TMEM234: variants seen among roughly 807,000 people sequenced by gnomAD.
TMEM234 encodes chromosome 1 open reading frame 91.
Under a neutral mutation model 17.8 loss-of-function variants are expected in TMEM234, and 21 were observed. The observed-to-expected ratio is 1.18, with a 90% CI of 0.84 to 1.70. The LOEUF (loss-of-function observed/expected upper bound fraction) is 1.70. Among genes scored for constraint, TMEM234 ranks in the 40% most tolerant of loss-of-function variants. The pLI is 0.00. For synonymous variants in TMEM234, 83 were observed against 73.5 expected (o/e 1.13, Z -0.66); for missense variants, 137 against 166.9 (o/e 0.82, Z 0.99).
chr1:32,221,079 T>A, intron 3 of TMEM234, 52 bp downstream of exon 3: 3 of 1,471,382 alleles, frequency 2.0e-6, no homozygotes, highest in Non-Finnish European at 2.8e-6. Context: ...CCCCAATCAC[T>A]CTTCCAGGTG....
At chr1:32,215,874 T>A (rs1302439229), downstream of TMEM234, 28 of 1,551,240 alleles carry the variant, frequency 1.8e-5, no homozygotes, top group Non-Finnish European at 1.9e-5. Context: ...TATCTCAGCC[T>A]CAGCCCCAGC....
intron 3 of TMEM234, 26 bp downstream of exon 3, chr1:32,221,105 C>A: frequency 6.2e-7 from 1 of 1,606,802 alleles, no homozygotes; most frequent in Non-Finnish European, 8.5e-7. Context: ...AAACACTAAG[C>A]AGAACAGTTC....
At chr1:32,215,024 C>G (rs779410420), downstream of TMEM234, 1 of 1,439,146 alleles carries the variant, frequency 6.9e-7, no homozygotes, top group Non-Finnish European at 9.3e-7. Context: ...TCCATGGGAG[C>G]AGAATGCTCA....
chr1:32,214,727 C>A, downstream of TMEM234: 1 of 1,592,942 alleles, frequency 6.3e-7, no homozygotes, highest in Non-Finnish European at 8.6e-7. Flanking sequence ...CTCTCTGAAG[C>A]CTGAACTGGG....
downstream of TMEM234, chr1:32,215,794 T>C: frequency 6.5e-7 from 1 of 1,548,532 alleles, no homozygotes; most frequent in Non-Finnish European, 8.7e-7. Flanking sequence ...GCCTTCCACC[T>C]CCTGCAGAGG....
Position 32,216,948 on chromosome 1 carries a change from C to G in TMEM234, c.329-1G>C, listed in dbSNP as rs1396045030. ...GTGAGCACCATGCCAGCAACTGCTCCTGGGATAATAGGCAGAAATCAGGAG... is the reference window on the plus strand; with the variant it reads ...GTGAGCACCATGCCAGCAACTGCTCGTGGGATAATAGGCAGAAATCAGGAG... On this transcript the variant is annotated splice_acceptor_variant, in intron 4 of 4. Transcript: ENST00000309777. LOFTEE classifies it high-confidence loss of function. 2 of 1,614,064 alleles carry G rather than the reference C, an allele frequency of 1.2e-6. No homozygotes were observed. The highest frequency in any genetic ancestry group is 1.3e-5 in the African/African-American group (1 of 74,932).
Position 32,222,035 on chromosome 1 carries a change from G to A in TMEM234, c.17-17C>T. ...ACACCTGCCCTGAATGCAGACGAGT[G>A]AGTCACCCTGACCCCCACCCCAAAC... On this transcript the variant is annotated splice_polypyrimidine_tract_variant and intron_variant, in intron 1 of 4. Transcript: ENST00000309777. The A allele has an allele frequency of 1.9e-6, 3 of 1,600,830 alleles. No homozygotes were observed. In the South Asian group the frequency reaches 3.3e-5, roughly 18 times the overall value.
At chr1:32,222,217 G>A in intron 1 of TMEM234, 90 bp downstream of exon 1, 1 of 1,512,424 alleles carries the variant, frequency 6.6e-7, no homozygotes, top group Non-Finnish European at 8.9e-7. Flanking sequence ...GGTTGTAGCA[G>A]GGGTCGGGGT....
chr1:32,219,111 T>TAAAAAAA (rs1469698691), intron 3 of TMEM234, among the ~76,000 whole-genome samples: 1 of 91,252 alleles, frequency 1.1e-5, no homozygotes, highest in African/African-American at 4.8e-5. Context: ...AAATGCCGTC[T>TAAAAAAA]CAAAAAAAAA....
Position 32,217,318 on chromosome 1 carries a change from A to T in TMEM234, c.269T>A (p.Leu90Gln), listed in dbSNP as rs148948143. 1.2e-6 allele frequency: 2 copies of T among 1,612,994 alleles called. No individual in the cohort carries two copies. Among genetic ancestry groups the T allele is most frequent in the Non-Finnish European group, 1.7e-6 (2 of 1,179,058 alleles). Residue 90 changes from leucine (L) to glutamine (Q), a missense_variant, in exon 4 of 5, where the codon CTG (leucine) becomes CAG (glutamine). Leu to Gln is a moderately radical substitution (Grantham distance 113). Transcript: ENST00000309777. The stretch of plus-strand genomic sequence containing the variant: ...AACAATCAGTGTGAAGATGATAGCC[A>T]GAGAGTTACAGATGGGCACAGCCAG... ...LTLAVPICNSLAIIFTLIVGK... is the reference protein window; with the variant it reads ...LTLAVPICNSQAIIFTLIVGK...
chr1:32,217,380 G>C, intron 3 of TMEM234, 29 bp from the exon 4 acceptor site: 1 of 1,595,198 alleles, frequency 6.3e-7, no homozygotes, highest in Non-Finnish European at 8.6e-7. Context: ...AAGAATGCCT[G>C]AGATGCAACA....
At chr1:32,219,901 G>A (rs1638738194) in intron 3 of TMEM234, among the ~76,000 whole-genome samples, 1 of 152,152 alleles carries the variant, frequency 6.6e-6, no homozygotes, top group Non-Finnish European at 1.5e-5. Context: ...CTTTTGTTGG[G>A]TTGTCGTAAG....
At position 32,222,300 on chromosome 1, in the gene TMEM234, T is replaced by G; in HGVS notation, c.16+7A>C. On this transcript the variant is annotated splice_region_variant and intron_variant, in intron 1 of 4. Coordinates refer to ENST00000309777, the MANE Select transcript of TMEM234 (RefSeq NM_019118.5). The stretch of plus-strand genomic sequence containing the variant: ...AAATCCATGGAAGGGCGGGGCCGGC[T>G]ACCTACCCAGAGACGCCGCCATGGC... 3 of 1,552,344 alleles carry G rather than the reference T, an allele frequency of 1.9e-6. No homozygotes were observed. Among genetic ancestry groups the G allele is most frequent in the Non-Finnish European group, 2.6e-6 (3 of 1,149,504 alleles).
Position 32,222,317 on chromosome 1 carries a change from C to A in TMEM234, c.6G>T (p.Ala2=). 1.3e-6 allele frequency: 2 copies of A among 1,561,016 alleles called. No individual in the cohort carries two copies. Among genetic ancestry groups the A allele is most frequent in the Non-Finnish European group, 1.7e-6 (2 of 1,152,438 alleles). The change falls in exon 1 of 5, where the codon GCG becomes GCT. Residue 2 remains alanine, a synonymous_variant. Coordinates refer to ENST00000309777, the MANE Select transcript of TMEM234 (RefSeq NM_019118.5). ...GGGCCGGCTACCTACCCAGAGACGC[C>A]GCCATGGCAACGCCGCTGTCTTCTA... M[A]ASLGQVLALV...
At chr1:32,220,269 C>G (rs915714437) in intron 3 of TMEM234, among the ~76,000 whole-genome samples, 1 of 152,186 alleles carries the variant, frequency 6.6e-6, no homozygotes, top group Admixed American at 6.5e-5. Context: ...CTCCGCCTCC[C>G]AGGTTCAAGC....
rs1360555626 is a variant in TMEM234, at chr1:32,222,343, C to T, written c.-21G>A. 6.4e-7 allele frequency: 1 copy of T among 1,564,848 alleles called. No individual in the cohort carries two copies. Among genetic ancestry groups the T allele is most frequent in the Admixed American group, 1.9e-5 (1 of 53,636 alleles). On this transcript the variant is annotated 5_prime_UTR_variant, in exon 1 of 5. Coordinates refer to ENST00000309777, the MANE Select transcript of TMEM234 (RefSeq NM_019118.5). ...GCCATGGCAACGCCGCTGTCTTCTA[C>T]TTCCGGGAACGAAGGGGCGGAGACC...
intron 4 of TMEM234, 24 bp from the exon 5 acceptor site, chr1:32,216,971 G>A: frequency 6.2e-7 from 1 of 1,614,064 alleles, no homozygotes; most frequent in Non-Finnish European, 8.5e-7. Flanking sequence ...CAGAAATCAG[G>A]AGGGTCTGAG....
intron 3 of TMEM234, among the ~76,000 whole-genome samples, chr1:32,220,440 G>C (rs1638792327): frequency 6.6e-6 from 1 of 152,202 alleles, no homozygotes; most frequent in African/African-American, 2.4e-5. Context: ...GCCTCCCAAA[G>C]TGCTGGGATT....
intron 2 of TMEM234, among the ~76,000 whole-genome samples, chr1:32,221,559 G>A (rs1638911199): frequency 6.6e-6 from 1 of 152,156 alleles, no homozygotes; most frequent in African/African-American, 2.4e-5. Flanking sequence ...GCTCACAAAT[G>A]TTGCCTTATG....
Sources: gnomAD v4.1 joint callset for allele counts (sites outside exome capture counted in the v4.1 genomes callset) on GRCh38, gnomAD v4.1.1 for gene constraint, MANE v1.5 for transcripts, NCBI Gene and HGNC (gene_info 2026-07-23, HGNC 2026-07-21) for gene names.